Variants in LAP3 observed in about 807,000 individuals in gnomAD.
LAP3 encodes the protein cytosol aminopeptidase.
In LAP3, 46 loss-of-function variants were observed where a neutral mutation model predicts 58.8. The observed-to-expected ratio is 0.78, with a 90% CI of 0.62 to 1.00. The LOEUF is 1.00. Among genes scored for constraint, LAP3 ranks in the 50% least tolerant of loss-of-function variants. LAP3 has a pLI of 0.00. For missense variants in LAP3, 615 were observed against 659.1 expected, an observed-to-expected ratio of 0.93 and a Z score of 0.73; for synonymous variants, 257 against 237.7, an observed-to-expected ratio of 1.08 and a Z score of -0.75.
In LAP3 at chr4:17,582,068, A is replaced by G. The variant is rs1011880992; in HGVS notation, c.274-220A>G. ...CAGAATTATTTGCAAGAGTATCCTC[A>G]CTTACTCTGCCTCTCAAACCTATAA... On this transcript the variant is annotated intron_variant, in intron 3 of 12. Coordinates refer to ENST00000226299, the MANE Select transcript of LAP3 (RefSeq NM_015907.3). 10 of 599,136 alleles carry G rather than the reference A, an allele frequency of 1.7e-5. No individual in the cohort carries two copies. In the Admixed American group the frequency reaches 2.3e-4, roughly 14 times the overall value. The allele number at this position is 599,136 out of a possible 1,614,324, so 37.1% of individuals were successfully genotyped here.
chr4:17,585,192 G>C, intron 6 of LAP3, 56 bp downstream of exon 6: 1 of 1,447,256 alleles, frequency 6.9e-7, no homozygotes, highest in Non-Finnish European at 9.6e-7. Context: ...GAGCCCTTGA[G>C]ATCCTAAAAT....
At chr4:17,595,083 G>C (rs1305834195) in intron 7 of LAP3, among the ~76,000 whole-genome samples, 1 of 151,584 alleles carries the variant, frequency 6.6e-6, no homozygotes, top group Non-Finnish European at 1.5e-5. Flanking sequence ...CGGATCACGA[G>C]GTCAGGAGAT....
chr4:17,585,268 A>C (rs1359962879), intron 6 of LAP3, 132 bp downstream of exon 6: 2 of 677,816 alleles, frequency 3.0e-6, no homozygotes, highest in Admixed American at 2.7e-5. Flanking sequence ...ACTTGGGTCC[A>C]CATGGGGAGC....
intron 12 of LAP3, 31 bp downstream of exon 12, chr4:17,606,969 A>G (rs771013998): frequency 7.2e-6 from 10 of 1,396,568 alleles, no homozygotes; most frequent in Non-Finnish European, 9.1e-6. Flanking sequence ...GTACATTTAT[A>G]CAATCATCCT....
At chr4:17,586,940 T>C (rs1304803487) in intron 6 of LAP3, among the ~76,000 whole-genome samples, 14 of 152,182 alleles carry the variant, frequency 9.2e-5, no homozygotes, top group Non-Finnish European at 1.9e-4. Context: ...ACACCATCTC[T>C]ACTAAAAGTA....
At chr4:17,593,122 T>C (rs1713729740) in intron 7 of LAP3, among the ~76,000 whole-genome samples, 1 of 152,262 alleles carries the variant, frequency 6.6e-6, no homozygotes, top group Non-Finnish European at 1.5e-5. Context: ...TTTAATGTGC[T>C]TATTGGACAT....
intron 10 of LAP3, among the ~76,000 whole-genome samples, chr4:17,603,199 C>T (rs1714022777): frequency 6.6e-6 from 1 of 151,610 alleles, no homozygotes; most frequent in African/African-American, 2.4e-5. Flanking sequence ...GTCCCAGCTA[C>T]TCAGGATGCT....
chr4:17,588,213 T>C (rs1713580045), intron 6 of LAP3, among the ~76,000 whole-genome samples: 1 of 146,312 alleles, frequency 6.8e-6, no homozygotes, highest in Non-Finnish European at 1.5e-5. Context: ...TTTTTTTTTT[T>C]CTGTAGAGAC....
chr4:17,594,056 A>ACAAACATC (rs1209686751), intron 7 of LAP3, among the ~76,000 whole-genome samples: 1 of 152,208 alleles, frequency 6.6e-6, no homozygotes, highest in Admixed American at 6.5e-5. Flanking sequence ...AGGAGACCTG[A>ACAAACATC]CAAACATCCA....
Position 17,607,614 on chromosome 4 carries a change from C to T in LAP3, c.*25C>T, listed in dbSNP as rs750185529. ...GTTCAGATACTCAAAAATGTCTTCA[C>T]TCTGTCTTAAATTGGACAGTTGAAC... On this transcript the variant is annotated 3_prime_UTR_variant, in exon 13 of 13. Coordinates refer to ENST00000226299, the MANE Select transcript of LAP3 (RefSeq NM_015907.3). 1.9e-6 allele frequency: 3 copies of T among 1,564,732 alleles called. No individual in the cohort carries two copies. Among genetic ancestry groups the T allele is most frequent in the Non-Finnish European group, 1.7e-6 (2 of 1,153,136 alleles).
At position 17,577,424 on chromosome 4, in the gene LAP3, A is replaced by G. The variant is rs1350154480; in HGVS notation, c.-42A>G. The G allele has an allele frequency of 8.8e-6, 13 of 1,470,340 alleles. No homozygotes were observed. The highest frequency in any genetic ancestry group is 1.2e-5 in the Non-Finnish European group (13 of 1,094,736). 91.1% of individuals were successfully genotyped at this position (1,470,340 alleles called of 1,614,324 possible). On this transcript the variant is annotated 5_prime_UTR_variant, in exon 1 of 13. Coordinates refer to ENST00000226299, the MANE Select transcript of LAP3 (RefSeq NM_015907.3). ...AAGGCGCGCCCGCCCACCGCTCTCC[A>G]CGTGCTCGCTGGAGGGCGGTGCGAG...
chr4:17,600,888 A>G lies in LAP3; in HGVS notation c.1180+2330A>G, dbSNP rs554757140. Among the ~76,000 whole-genome samples the G allele has an allele frequency of 7.9e-5, 12 of 152,336 alleles. No individual in the cohort carries two copies. In the East Asian group the frequency reaches 1.3e-3, roughly 17 times the overall value. On this transcript the variant is annotated intron_variant, in intron 10 of 12. Coordinates refer to ENST00000226299, the MANE Select transcript of LAP3 (RefSeq NM_015907.3). ...GTTGTCTCATCCATAAAAGGGGTAT[A>G]ATAGCACCTCGTTCACAGGAAGGAT...
At chr4:17,604,530 G>A (rs764065768) in intron 10 of LAP3, 58 bp from the exon 11 acceptor site, 78 of 1,260,676 alleles carry the variant, frequency 6.2e-5, no homozygotes, top group Admixed American at 6.8e-5. Flanking sequence ...TCTGGGTGGC[G>A]GAGGAGCCCA....
chr4:17,579,767 C>A, intron 1 of LAP3, 57 bp from the exon 2 acceptor site: 1 of 913,476 alleles, frequency 1.1e-6, no homozygotes, highest in South Asian at 1.6e-5. Context: ...GACTCCTGAG[C>A]CTCTCTAAGG....
chr4:17,606,218 A>C (rs957584622), intron 11 of LAP3, among the ~76,000 whole-genome samples: 2 of 152,236 alleles, frequency 1.3e-5, no homozygotes, highest in African/African-American at 4.8e-5. Context: ...GACCCGCCAC[A>C]TAAGAACTCT....
At position 17,597,901 on chromosome 4, in the gene LAP3, C is replaced by A. The variant is rs191931948; in HGVS notation, c.1078-555C>A. Among the ~76,000 whole-genome samples the A allele has an allele frequency of 1.1e-3, 172 of 152,264 alleles. 1 individual carries two copies. Among genetic ancestry groups the A allele is most frequent in the African/African-American group, 3.7e-3 (152 of 41,560 alleles). ...AGGTGTGTACAAGCCACTCAGAAAA[C>A]GACTGGACCTCTATTTAAAAGAAAG... On this transcript the variant is annotated intron_variant, in intron 9 of 12. Transcript: ENST00000226299.
chr4:17,583,383 C>T (rs1437249128), intron 4 of LAP3, 100 bp from the exon 5 acceptor site: 2 of 1,308,226 alleles, frequency 1.5e-6, no homozygotes, highest in Non-Finnish European at 2.2e-6. Flanking sequence ...GATTTGAACC[C>T]CAGGGCTGTT....
chr4:17,579,885 C>T lies in LAP3; in HGVS notation c.164C>T (p.Ala55Val). 1 of 1,612,184 alleles carries T rather than the reference C, an allele frequency of 6.2e-7. No homozygotes were observed. The highest frequency in any genetic ancestry group is 8.5e-7 in the Non-Finnish European group (1 of 1,178,980). ...GATGATGTGCCACAGTTCACAAGTGCAGGAGAGAATTTTGATAAATTGTTA... is the reference window on the plus strand; with the variant it reads ...GATGATGTGCCACAGTTCACAAGTGTAGGAGAGAATTTTGATAAATTGTTA... ...KEDDVPQFTS[A>V]GENFDKLLAG... The change falls in exon 2 of 13, where the codon GCA (alanine) becomes GTA (valine). Residue 55 changes from alanine to valine, a missense_variant. Coordinates refer to ENST00000226299, the MANE Select transcript of LAP3 (RefSeq NM_015907.3).
intron 7 of LAP3, 86 bp downstream of exon 7, chr4:17,589,063 A>ATTT: frequency 1.5e-5 from 16 of 1,079,420 alleles, no homozygotes; most frequent in Non-Finnish European, 1.9e-5. Context: ...TTTTGGTTTG[A>ATTT]TTTTTTTTTT....
Sources: allele counts gnomAD v4.1 joint callset (sites outside exome capture counted in the v4.1 genomes callset), GRCh38; gene constraint gnomAD v4.1.1; transcripts MANE v1.5; gene names NCBI Gene and HGNC (gene_info 2026-07-23, HGNC 2026-07-21).